UTS2: variants seen among roughly 807,000 people sequenced by gnomAD.
UTS2 encodes the protein urotensin 2, also known as urotensin-2.
Under a neutral mutation model 12.6 loss-of-function variants are expected in UTS2, and 10 were observed. That is an observed-to-expected ratio of 0.80 (90% CI 0.49 to 1.35). The LOEUF is 1.35. Ranked by LOEUF, UTS2 falls within the 40% of genes most tolerant of loss-of-function variation. The pLI is 0.00. For synonymous variants in UTS2, 52 were observed against 50.0 expected, an observed-to-expected ratio of 1.04 and a Z score of -0.17; for missense variants, 142 against 143.2, an observed-to-expected ratio of 0.99 and a Z score of 0.04.
the UTS2 span, among the ~76,000 whole-genome samples, chr1:7,863,274 G>A: frequency 2.0e-5 from 3 of 152,028 alleles, no homozygotes; most frequent in South Asian, 6.2e-4. Context: ...ACCACGCCTG[G>A]CTAATTTTGT....
At chr1:7,889,510 A>G in the UTS2 span, among the ~76,000 whole-genome samples, 1 of 148,600 alleles carries the variant, frequency 6.7e-6, no homozygotes, top group East Asian at 2.1e-4. Context: ...TCAACTCAAT[A>G]TGAGAAAGAT....
chr1:7,883,468 A>G, the UTS2 span, among the ~76,000 whole-genome samples: 1 of 152,214 alleles, frequency 6.6e-6, no homozygotes, highest in African/African-American at 2.4e-5. Context: ...TGATAGCACA[A>G]TAATGTAACT....
chr1:7,879,938 C>G, the UTS2 span, among the ~76,000 whole-genome samples: 1 of 152,098 alleles, frequency 6.6e-6, no homozygotes, highest in South Asian at 2.1e-4. Flanking sequence ...ACAAGCCAAA[C>G]CCAAAATTAG....
the UTS2 span, among the ~76,000 whole-genome samples, chr1:7,881,662 T>C: frequency 6.6e-6 from 1 of 152,162 alleles, no homozygotes; most frequent in African/African-American, 2.4e-5. Flanking sequence ...ATGTCTCATG[T>C]TCATGGATCA....
At chr1:7,877,143 GAAAAA>G in the UTS2 span, among the ~76,000 whole-genome samples, 24,405 of 68,030 alleles carry the variant, frequency 0.36, 2,440 homozygotes, top group African/African-American at 0.4. Context: ...AAAAAAAAAA[GAAAAA>G]AAAAAGAAAC....
chr1:7,876,875 T>C, the UTS2 span, among the ~76,000 whole-genome samples: 1 of 152,134 alleles, frequency 6.6e-6, no homozygotes, highest in East Asian at 1.9e-4. Flanking sequence ...CTCACACCTG[T>C]AATCCCAGCA....
At chr1:7,908,069 G>A in the UTS2 span, among the ~76,000 whole-genome samples, 1 of 151,836 alleles carries the variant, frequency 6.6e-6, no homozygotes, top group Non-Finnish European at 1.5e-5. Context: ...AAAGGCTGAG[G>A]CAGTGGATCA....
chr1:7,882,730 A>C, the UTS2 span, among the ~76,000 whole-genome samples: 1 of 152,202 alleles, frequency 6.6e-6, no homozygotes, highest in Non-Finnish European at 1.5e-5. Context: ...ACAACAACAC[A>C]TCATATGATT....
chr1:7,891,553 A>G, the UTS2 span, among the ~76,000 whole-genome samples: 1 of 149,108 alleles, frequency 6.7e-6, no homozygotes, highest in African/African-American at 2.5e-5. Context: ...AGAAAGAAAG[A>G]AAGAAAGAAA....
the UTS2 span, among the ~76,000 whole-genome samples, chr1:7,910,586 T>C: frequency 6.6e-6 from 1 of 152,224 alleles, no homozygotes; most frequent in East Asian, 1.9e-4. Context: ...AAGGCTCCCA[T>C]GTAACATAAA....
At chr1:7,863,042 T>TGTATTGTATTGTATTGTA in the UTS2 span, among the ~76,000 whole-genome samples, 1 of 28,786 alleles carries the variant, frequency 3.5e-5, no homozygotes, top group Non-Finnish European at 9.3e-5. Context: ...TGTATTGTAT[T>TGTATTGTATTGTATTGTA]GTATTGTATT....
the UTS2 span, among the ~76,000 whole-genome samples, chr1:7,875,660 C>G: frequency 6.6e-6 from 1 of 152,100 alleles, no homozygotes; most frequent in Non-Finnish European, 1.5e-5. Context: ...AAGGGACTGA[C>G]CCAGCCCACC....
chr1:7,854,116 C>CA (rs1363340465), upstream of UTS2, among the ~76,000 whole-genome samples: 2 of 151,892 alleles, frequency 1.3e-5, no homozygotes, highest in Non-Finnish European at 2.9e-5. Context: ...GAGGCTGAGG[C>CA]GGATGGATCA....
At chr1:7,906,456 A>G in the UTS2 span, among the ~76,000 whole-genome samples, 4 of 135,184 alleles carry the variant, frequency 3.0e-5, no homozygotes, top group African/African-American at 1.3e-4. Flanking sequence ...AAAGAGAAAG[A>G]AAGAAAGAAA....
the UTS2 span, among the ~76,000 whole-genome samples, chr1:7,901,192 G>A: frequency 6.6e-6 from 1 of 152,204 alleles, no homozygotes; most frequent in Non-Finnish European, 1.5e-5. Context: ...ATTCTACATA[G>A]ATTAAGTAAT....
chr1:7,896,838 G>GA, the UTS2 span, among the ~76,000 whole-genome samples: 1 of 151,952 alleles, frequency 6.6e-6, no homozygotes, highest in African/African-American at 2.4e-5. Flanking sequence ...TGGGACTACA[G>GA]GTGCGTGCCC....
In UTS2 at chr1:7,852,995, C is replaced by T. The variant is rs1204722198; in HGVS notation, c.9G>A (p.Lys3=). MY[K]LASCCLLFIG... ...TGAAAAGCAAACAGCAGGAGGCCAG[C>T]TTATACATGATCGCCACAAGATAGA... is the stretch of plus-strand genomic sequence containing the variant. The change falls in exon 1 of 4, where the codon AAG becomes AAA. Residue 3 remains lysine (K), a synonymous_variant. Coordinates refer to ENST00000361696, the MANE Select transcript of UTS2 (RefSeq NM_006786.4). 1 of 1,611,898 alleles carries T rather than the reference C, an allele frequency of 6.2e-7. No homozygotes were observed. The highest frequency in any genetic ancestry group is 8.5e-7 in the Non-Finnish European group (1 of 1,179,340).
chr1:7,863,161 G>C, the UTS2 span, among the ~76,000 whole-genome samples: 14 of 151,456 alleles, frequency 9.2e-5, no homozygotes, highest in African/African-American at 3.2e-4. Context: ...GCCCAGGCTG[G>C]AGTCCAATGG....
chr1:7,883,920 T>C, the UTS2 span, among the ~76,000 whole-genome samples: 1 of 152,138 alleles, frequency 6.6e-6, no homozygotes, highest in Non-Finnish European at 1.5e-5. Flanking sequence ...GTTCAAGTGA[T>C]TCTCCTGCCT....
Sources: allele counts gnomAD v4.1 joint callset (sites outside exome capture counted in the v4.1 genomes callset), GRCh38; gene constraint gnomAD v4.1.1; transcripts MANE v1.5; gene names NCBI Gene and HGNC (gene_info 2026-07-23, HGNC 2026-07-21).